The following LAMA4 variants were observed in gnomAD, a reference collection of about 807,000 sequenced individuals.
LAMA4 encodes laminin subunit alpha-4.
LAMA4 carries 127 observed loss-of-function variants against 207.1 expected under a neutral mutation model. That is an observed-to-expected ratio of 0.61 (90% CI 0.53 to 0.71). The LOEUF (loss-of-function observed/expected upper bound fraction) is 0.71, where lower values mean the gene tolerates loss of function less well. Ranked by LOEUF, LAMA4 falls within the 30% of genes least tolerant of loss-of-function variation. LAMA4 has a pLI of 0.00. For synonymous variants in LAMA4, 761 were observed against 816.0 expected, an observed-to-expected ratio of 0.93 and a Z score of 1.15; for missense variants, 2,093 against 2,246.5, an observed-to-expected ratio of 0.93 and a Z score of 1.38.
intron 32 of LAMA4, 195 bp downstream of exon 32, chr6:112,121,819 C>A: frequency 1.8e-6 from 1 of 560,108 alleles, no homozygotes. Context: ...ATGAACCTTA[C>A]AATTGGAAAG....
intron 2 of LAMA4, among the ~76,000 whole-genome samples, chr6:112,239,805 T>C (rs1401584673): frequency 6.6e-6 from 1 of 152,192 alleles, no homozygotes; most frequent in Non-Finnish European, 1.5e-5. Context: ...GGCTCATGCC[T>C]GTAATCTCAG....
Position 112,141,477 on chromosome 6 carries a change from T to G in LAMA4, c.2694A>C (p.Ala898=), listed in dbSNP as rs1779690946. The change falls in exon 21 of 39, where the codon GCA becomes GCC. Residue 898 remains alanine (A), a synonymous_variant. Coordinates refer to ENST00000230538, the MANE Select transcript of LAMA4 (RefSeq NM_001105206.3). ...KNAKKEYMGL[A]IKNDNLVYVY... ...CGTATACCAGATTATCATTTTTGAT[T>G]GCAAGACCCATATACTCTTTTTTGG... 2 of 1,609,568 alleles carry G rather than the reference T, an allele frequency of 1.2e-6. No homozygotes were observed. The highest frequency in any genetic ancestry group is 1.7e-5 in the Admixed American group (1 of 60,008).
chr6:112,178,421 T>TA, intron 9 of LAMA4, 189 bp from the exon 10 acceptor site: 1 of 591,612 alleles, frequency 1.7e-6, no homozygotes, highest in Non-Finnish European at 3.0e-6. Flanking sequence ...GTTTTACTTT[T>TA]AAAAAATTTT....
At chr6:112,133,215 T>G in intron 27 of LAMA4, 134 bp downstream of exon 27, 1 of 974,938 alleles carries the variant, frequency 1.0e-6, no homozygotes, top group Non-Finnish European at 1.6e-6. Context: ...GCTTAATGGT[T>G]CTTCTTTCTG....
intron 10 of LAMA4, among the ~76,000 whole-genome samples, chr6:112,176,011 G>A (rs1041043638): frequency 1.3e-5 from 2 of 152,222 alleles, no homozygotes; most frequent in African/African-American, 4.8e-5. Flanking sequence ...ATTGATAGCT[G>A]TCCAAATGAG....
At chr6:112,121,575 G>T (rs1370530554) in intron 32 of LAMA4, among the ~76,000 whole-genome samples, 1 of 152,186 alleles carries the variant, frequency 6.6e-6, no homozygotes, top group African/African-American at 2.4e-5. Flanking sequence ...GATGGGGTTG[G>T]AGATAGCTGG....
chr6:112,109,658 T>C (rs1376001164), intron 38 of LAMA4, 76 bp from the exon 39 acceptor site: 2 of 1,428,500 alleles, frequency 1.4e-6, no homozygotes, highest in East Asian at 2.3e-5. Flanking sequence ...CTGGTAAAAG[T>C]ATACATATTT....
intron 5 of LAMA4, among the ~76,000 whole-genome samples, chr6:112,197,938 G>C (rs1783516497): frequency 6.6e-6 from 1 of 152,162 alleles, no homozygotes; most frequent in South Asian, 2.1e-4. Flanking sequence ...ATGTTTCAAT[G>C]AATGTTTTCC....
intron 32 of LAMA4, among the ~76,000 whole-genome samples, chr6:112,120,963 A>C (rs1778322139): frequency 6.6e-6 from 1 of 151,912 alleles, no homozygotes; most frequent in Non-Finnish European, 1.5e-5. Flanking sequence ...AGTCCCAGCT[A>C]CTTGGGAGGC....
rs1408007111 is a variant in LAMA4 at position 112,213,334 on chromosome 6, C to T, written c.297+3034G>A. Among the ~76,000 whole-genome samples, 3 of 152,174 alleles carry T rather than the reference C, an allele frequency of 2.0e-5. No individual in the cohort carries two copies. In the East Asian group the frequency reaches 5.8e-4, roughly 29 times the overall value. ...ATTATCTGTGACCAGGCATTTCTGC[C>T]ACCAGCCACCTATCTGCTTCCACTT... is the stretch of plus-strand genomic sequence containing the variant. On this transcript the variant is annotated intron_variant, in intron 3 of 38. Transcript: ENST00000230538.
chr6:112,161,351 T>C (rs1554338332), intron 13 of LAMA4, among the ~76,000 whole-genome samples: 2 of 152,246 alleles, frequency 1.3e-5, no homozygotes, highest in African/African-American at 4.8e-5. Flanking sequence ...AATCCCAGAA[T>C]GTAGCACAAA....
At position 112,187,397 on chromosome 6, in the gene LAMA4, G is replaced by C; in HGVS notation, c.966+53C>G. Reference sequence around the variant, plus strand: ...GGGGTAGAAGGAATTACTAGCTGCGGGCCTGTGAAGCCAGGATGAAAACAG... The same window carrying C: ...GGGGTAGAAGGAATTACTAGCTGCGCGCCTGTGAAGCCAGGATGAAAACAG... On this transcript the variant is annotated intron_variant, in intron 8 of 38. Coordinates refer to ENST00000230538, the MANE Select transcript of LAMA4 (RefSeq NM_001105206.3). 1.9e-6 allele frequency: 3 copies of C among 1,603,458 alleles called. No individual in the cohort carries two copies. In the South Asian group the frequency reaches 3.3e-5, roughly 18 times the overall value.
At position 112,155,658 on chromosome 6, in the gene LAMA4, A is replaced by G; in HGVS notation, c.1866T>C (p.Asp622=). ...CAATATTTTCATAGACATTTGATGC[A>G]TCCAAAGCCTTCTGTACCAGCCCGT... ...DMNGLVQKAL[D]ASNVYENIVN... The change falls in exon 15 of 39, where the codon GAT becomes GAC. Residue 622 remains aspartate (D), a synonymous_variant. Coordinates refer to ENST00000230538, the MANE Select transcript of LAMA4 (RefSeq NM_001105206.3). 2 of 1,614,116 alleles carry G rather than the reference A, an allele frequency of 1.2e-6. No homozygotes were observed. The highest frequency in any genetic ancestry group is 1.7e-6 in the Non-Finnish European group (2 of 1,179,944).
At chr6:112,217,789 T>C (rs1784713669) in intron 2 of LAMA4, 2 of 152,196 alleles carry the variant, frequency 1.3e-5, no homozygotes, top group South Asian at 4.1e-4. Flanking sequence ...AATTTTTTAA[T>C]GGAGAGTTGT....
chr6:112,129,316 TTTTCCC>T (rs1304063921), intron 30 of LAMA4, among the ~76,000 whole-genome samples: 9 of 152,092 alleles, frequency 5.9e-5, no homozygotes, highest in Non-Finnish European at 1.0e-4. Context: ...AATGAATATC[TTTTCCC>T]TCAACACACT....
chr6:112,155,729 A>G (rs1554336804), intron 14 of LAMA4, 23 bp from the exon 15 acceptor site: 2 of 1,613,216 alleles, frequency 1.2e-6, no homozygotes, highest in East Asian at 2.2e-5. Context: ...AAACATTGTT[A>G]TTTCTCCTTC....
chr6:112,145,279 C>T (rs1779953367), intron 18 of LAMA4, among the ~76,000 whole-genome samples: 1 of 152,214 alleles, frequency 6.6e-6, no homozygotes, highest in South Asian at 2.1e-4. Context: ...TGCTCTTGCG[C>T]CCAGAGAAAG....
chr6:112,115,559 T>C (rs1229299213), intron 36 of LAMA4, among the ~76,000 whole-genome samples: 1 of 152,170 alleles, frequency 6.6e-6, no homozygotes, highest in Non-Finnish European at 1.5e-5. Flanking sequence ...TTTTGATAGT[T>C]ATGTTTGCTG....
At chr6:112,196,765 TG>T (rs1185018929) in intron 5 of LAMA4, among the ~76,000 whole-genome samples, 1 of 152,220 alleles carries the variant, frequency 6.6e-6, no homozygotes, top group Non-Finnish European at 1.5e-5. Flanking sequence ...GACTGACTCC[TG>T]TCACTACATA....
Sources: allele counts gnomAD v4.1 joint callset (sites outside exome capture counted in the v4.1 genomes callset), GRCh38; gene constraint gnomAD v4.1.1; transcripts MANE v1.5; gene names NCBI Gene and HGNC (gene_info 2026-07-23, HGNC 2026-07-21).